The following LAMB4 variants were observed in gnomAD, a reference collection of about 807,000 sequenced individuals.
The protein encoded by LAMB4 is laminin subunit beta 4.
LAMB4 carries 196 observed loss-of-function variants against 199.2 expected under a neutral mutation model. The observed-to-expected ratio is 0.98, with a 90% CI of 0.88 to 1.11. LAMB4 has a LOEUF of 1.11. Ranked by LOEUF, LAMB4 falls within the 50% of genes least tolerant of loss-of-function variation. The probability of loss-of-function intolerance (pLI) is 0.00; values close to 1 mark genes in which losing one functional copy is unlikely to be tolerated. For missense variants in LAMB4, 2,080 were observed against 2,171.2 expected, an observed-to-expected ratio of 0.96 and a Z score of 0.83; for synonymous variants, 744 against 770.6, an observed-to-expected ratio of 0.97 and a Z score of 0.57.
chr7:108,026,775 A>G (rs944859388), intron 33 of LAMB4: 8 of 395,304 alleles, frequency 2.0e-5, no homozygotes, highest in Non-Finnish European at 3.4e-5. Context: ...CAAGGGCTCC[A>G]TACTGGGATC....
rs1227923717 is a variant in LAMB4, at chr7:108,079,753, G to C, written c.1735C>G (p.His579Asp). The C allele has an allele frequency of 1.2e-6, 2 of 1,606,850 alleles. No individual in the cohort carries two copies. Among genetic ancestry groups the C allele is most frequent in the Non-Finnish European group, 1.7e-6 (2 of 1,177,398 alleles). The part of the protein sequence containing the change: ...SETFGQSPAV[H>D]VVLGEPVPGN... ...GGAACTGGCTCTCCTAAAACAACGT[G>C]AACAGCAGGACTCTGGCCAAACGTC... The change falls in exon 15 of 34, where the codon CAC (histidine) becomes GAC (aspartate). Residue 579 changes from histidine to aspartate, a missense_variant. His to Asp is a moderately conservative substitution (Grantham distance 81, BLOSUM62 -1). Coordinates refer to ENST00000388781, the MANE Select transcript of LAMB4 (RefSeq NM_007356.3).
chr7:108,038,444 G>C (rs1219368853), intron 29 of LAMB4, among the ~76,000 whole-genome samples: 1 of 152,184 alleles, frequency 6.6e-6, no homozygotes, highest in Non-Finnish European at 1.5e-5. Flanking sequence ...ACAGGCATGA[G>C]CCACTGTGCC....
intron 33 of LAMB4, among the ~76,000 whole-genome samples, chr7:108,026,245 T>C (rs1158854095): frequency 6.6e-6 from 1 of 152,190 alleles, no homozygotes; most frequent in Non-Finnish European, 1.5e-5. Flanking sequence ...AGAAGTAGAA[T>C]CTACTTACCC....
At position 108,047,979 on chromosome 7, in the gene LAMB4, G is replaced by A. The variant is rs2035689969; in HGVS notation, c.4255C>T (p.Leu1419Phe). Residue 1419 changes from leucine to phenylalanine, a missense_variant, in exon 28 of 34, where the codon CTC becomes TTC. Leu to Phe is a conservative substitution (Grantham distance 22). Coordinates refer to ENST00000388781, the MANE Select transcript of LAMB4 (RefSeq NM_007356.3). ...HGSLTLSTNA[L>F]QKAQEAKSII... ...GATTTTGCTTCCTGGGCTTTTTGGA[G>A]GGCATTCGTTGAGAGGGTCAGGGAG... The A allele has an allele frequency of 2.5e-6, 4 of 1,614,168 alleles. No individual in the cohort carries two copies. Among genetic ancestry groups the A allele is most frequent in the Non-Finnish European group, 3.4e-6 (4 of 1,180,034 alleles).
chr7:108,073,811 G>A (rs571545599), intron 17 of LAMB4, among the ~76,000 whole-genome samples: 3 of 152,280 alleles, frequency 2.0e-5, no homozygotes, highest in South Asian at 2.1e-4. Flanking sequence ...GTAGTTGCCC[G>A]CCCTAGGTTG....
At chr7:108,062,257 T>G (rs1012779197) in intron 23 of LAMB4, 1 of 152,258 alleles carries the variant, frequency 6.6e-6, no homozygotes, top group African/African-American at 2.4e-5. Context: ...ATTGAAGATT[T>G]GCTCCTGGTA....
chr7:108,098,582 G>A lies in LAMB4; in HGVS notation c.1181C>T (p.Pro394Leu), dbSNP rs1199544670. The A allele has an allele frequency of 1.9e-6, 3 of 1,593,810 alleles. No homozygotes were observed. The highest frequency in any genetic ancestry group is 4.1e-4 in the Middle Eastern group (2 of 4,858). Residue 394 changes from proline to leucine, a missense_variant and splice_region_variant, in exon 11 of 34, where the codon CCT becomes CTT. Physicochemically the swap from Pro to Leu is moderately conservative, Grantham distance 98. Coordinates refer to ENST00000388781, the MANE Select transcript of LAMB4 (RefSeq NM_007356.3). ...KTISDPYACI[P>L]CECDPDGTIS... ...GGTCCCATCGGGGTCACATTCACAA[G>A]CTGGGGACACAGACATTCATTGTTT... is the stretch of plus-strand genomic sequence containing the variant.
intron 12 of LAMB4, among the ~76,000 whole-genome samples, 199 bp downstream of exon 12, chr7:108,095,029 T>G (rs2037543721): frequency 1.3e-5 from 2 of 152,072 alleles, no homozygotes; most frequent in South Asian, 4.1e-4. Flanking sequence ...TGGTAAATGT[T>G]TAACAGGCAG....
At chr7:108,102,934 A>C in intron 10 of LAMB4, 110 bp downstream of exon 10, 1 of 854,734 alleles carries the variant, frequency 1.2e-6, no homozygotes, top group Non-Finnish European at 1.7e-6. Flanking sequence ...TCTCCAAAAT[A>C]GGGTAGTTTG....
chr7:108,029,094 C>T lies in LAMB4; in HGVS notation c.5095G>A (p.Ala1699Thr), dbSNP rs199848922. ...TLGKVKQLKD[A>T]AEKLAGDTEA... ...GTATCTCCAGCCAATTTTTCTGCCG[C>T]ATCTTTTAGCTGTTTAACTTTTCCT... The change falls in exon 33 of 34, where the codon GCG becomes ACG. Residue 1699 changes from alanine to threonine, a missense_variant. By Grantham distance (58) the Ala-to-Thr change is moderately conservative. Transcript: ENST00000388781. 7.4e-6 allele frequency: 12 copies of T among 1,614,058 alleles called. No individual in the cohort carries two copies. In the East Asian group the frequency reaches 2.0e-4, roughly 27 times the overall value.
intron 6 of LAMB4, 101 bp from the exon 7 acceptor site, chr7:108,106,673 T>C: frequency 1.5e-6 from 1 of 666,468 alleles, no homozygotes; most frequent in Non-Finnish European, 2.6e-6. Flanking sequence ...CAAGAAATCT[T>C]ACCACTTCAG....
intron 10 of LAMB4, among the ~76,000 whole-genome samples, chr7:108,100,629 G>A (rs1461042916): frequency 6.6e-6 from 1 of 152,122 alleles, no homozygotes; most frequent in Non-Finnish European, 1.5e-5. Flanking sequence ...TAAGGAACAA[G>A]ACTTTGATTG....
At chr7:108,105,755 T>C (rs1343538220) in intron 8 of LAMB4, 62 bp downstream of exon 8, 2 of 1,375,868 alleles carry the variant, frequency 1.5e-6, no homozygotes, top group Non-Finnish European at 1.0e-6. Flanking sequence ...CATCTATATA[T>C]AGCACCAGGA....
At chr7:108,042,074 A>G (rs556596420) in intron 29 of LAMB4, among the ~76,000 whole-genome samples, 20 of 152,160 alleles carry the variant, frequency 1.3e-4, no homozygotes, top group Admixed American at 6.5e-5. Flanking sequence ...GTGGTCAAAC[A>G]AGAGCTGAAT....
In LAMB4 at chr7:108,095,217, C is replaced by G. The variant is rs375873407; in HGVS notation, c.1470+11G>C. On this transcript the variant is annotated intron_variant, in intron 12 of 33. Transcript: ENST00000388781. ...CACTATAGAAAAGGGAAACTATAGG[C>G]AAATACATACAGTGCATTCTTCGCA... The G allele has an allele frequency of 1.3e-6, 2 of 1,594,752 alleles. No homozygotes were observed. Among genetic ancestry groups the G allele is most frequent in the African/African-American group, 2.7e-5 (2 of 74,500 alleles).
At chr7:108,084,675 G>A (rs1346447646) in intron 14 of LAMB4, among the ~76,000 whole-genome samples, 1 of 151,614 alleles carries the variant, frequency 6.6e-6, no homozygotes, top group African/African-American at 2.4e-5. Flanking sequence ...ACGTGATCGA[G>A]TTAGCAGGAG....
At chr7:108,077,511 G>T (rs1280565887) in intron 16 of LAMB4, among the ~76,000 whole-genome samples, 2 of 152,100 alleles carry the variant, frequency 1.3e-5, no homozygotes, top group African/African-American at 2.4e-5. Context: ...TGGCCAATAT[G>T]GTGAAACTCT....
At chr7:108,025,829 A>C (rs975500511) in intron 33 of LAMB4, among the ~76,000 whole-genome samples, 1 of 152,192 alleles carries the variant, frequency 6.6e-6, no homozygotes, top group Admixed American at 6.6e-5. Context: ...GTACCCGGAA[A>C]GTTAATATGA....
chr7:108,085,200 C>T (rs2037123504), intron 14 of LAMB4, among the ~76,000 whole-genome samples: 1 of 152,170 alleles, frequency 6.6e-6, no homozygotes, highest in African/African-American at 2.4e-5. Flanking sequence ...TGGTTGAACA[C>T]ATAGCAGGAA....
Sources: gnomAD v4.1 joint callset for allele counts (sites outside exome capture counted in the v4.1 genomes callset) on GRCh38, gnomAD v4.1.1 for gene constraint, MANE v1.5 for transcripts, NCBI Gene and HGNC (gene_info 2026-07-23, HGNC 2026-07-21) for gene names.